SLC20A2: variants seen among roughly 807,000 people sequenced by gnomAD.
The protein encoded by SLC20A2 is solute carrier family 20 member 2, also known as sodium-dependent phosphate transporter 2.
Under a neutral mutation model 61.0 loss-of-function variants are expected in SLC20A2, and 30 were observed. The ratio of observed to expected loss-of-function variants is 0.49; its 90% CI spans 0.37 to 0.67. SLC20A2 has a LOEUF of 0.67. Ranked by LOEUF, SLC20A2 falls within the 30% of genes least tolerant of loss-of-function variation. SLC20A2 has a pLI of 0.00. For missense variants in SLC20A2, 626 were observed against 866.4 expected, an observed-to-expected ratio of 0.72 and a Z score of 3.48; for synonymous variants, 351 against 353.3, an observed-to-expected ratio of 0.99 and a Z score of 0.07.
chr8:42,429,717 C>G (rs1397096123), intron 9 of SLC20A2, among the ~76,000 whole-genome samples: 1 of 152,174 alleles, frequency 6.6e-6, no homozygotes, highest in African/African-American at 2.4e-5. Flanking sequence ...AAGGCCAGCC[C>G]AGGGGCCTGT....
At chr8:42,431,758 C>T (rs1282273609) in intron 8 of SLC20A2, among the ~76,000 whole-genome samples, 1 of 152,222 alleles carries the variant, frequency 6.6e-6, no homozygotes, top group African/African-American at 2.4e-5. Flanking sequence ...CATTCCAAAA[C>T]TCCTATTGCT....
At chr8:42,463,710 G>A (rs1339600603) in intron 3 of SLC20A2, among the ~76,000 whole-genome samples, 1 of 152,056 alleles carries the variant, frequency 6.6e-6, no homozygotes, top group Non-Finnish European at 1.5e-5. Context: ...TCGCTTCCCC[G>A]GGTCATTCTA....
At chr8:42,486,297 T>C (rs1361040755) in intron 1 of SLC20A2, among the ~76,000 whole-genome samples, 1 of 152,118 alleles carries the variant, frequency 6.6e-6, no homozygotes, top group African/African-American at 2.4e-5. Flanking sequence ...AATGGCTCAC[T>C]GCAGCCTTGA....
chr8:42,430,745 G>A (rs556291488), intron 8 of SLC20A2, among the ~76,000 whole-genome samples: 3 of 152,310 alleles, frequency 2.0e-5, no homozygotes, highest in African/African-American at 4.8e-5. Flanking sequence ...CCAGCAGTAT[G>A]TGCTCACGTC....
Position 42,430,260 on chromosome 8 carries a change from T to C in SLC20A2, c.1524-11A>G. 6.2e-7 allele frequency: 1 copy of C among 1,602,504 alleles called. No homozygotes were observed. The highest frequency in any genetic ancestry group is 1.1e-5 in the South Asian group (1 of 89,262). On this transcript the variant is annotated splice_polypyrimidine_tract_variant and intron_variant, in intron 8 of 10. Coordinates refer to ENST00000520262, the MANE Select transcript of SLC20A2 (RefSeq NM_001257180.2). Reference sequence around the variant, plus strand: ...GGACCGATGGCATTACTGGGAAAAATAAAAAGAGAAAAGATTAACTATATA... The same window carrying C: ...GGACCGATGGCATTACTGGGAAAAACAAAAAGAGAAAAGATTAACTATATA...
rs11350697 is a variant in SLC20A2 at position 42,476,084 on chromosome 8, CTTTTTTTTTTT to C, written c.-264-3441_-264-3431del. Among the ~76,000 whole-genome samples the C allele has an allele frequency of 5.7e-4, 24 of 42,100 alleles. 1 individual carries two copies. The highest frequency in any genetic ancestry group is 2.8e-3 in the South Asian group (2 of 718). 27.6% of individuals were successfully genotyped at this position (42,100 alleles called of 152,430 possible). ...GGTGAAGTAGCCGGGTTTACTGTGT[CTTTTTTTTTTT>C]TTTTTTTTTTTTTTTTTTTGACACG... On this transcript the variant is annotated intron_variant, in intron 1 of 10. Transcript: ENST00000520262.
intron 1 of SLC20A2, among the ~76,000 whole-genome samples, chr8:42,513,479 A>G (rs1482146650): frequency 6.6e-6 from 1 of 152,230 alleles, no homozygotes; most frequent in Non-Finnish European, 1.5e-5. Flanking sequence ...AACTTCATAT[A>G]TTTTGATCTT....
In SLC20A2 at chr8:42,533,661, T is replaced by TC. The variant is rs1316387052; in HGVS notation, c.-265+8159_-265+8160insG. Among the ~76,000 whole-genome samples the TC allele has an allele frequency of 9.8e-4, 116 of 118,052 alleles. 4 individuals are homozygous for TC. The highest frequency in any genetic ancestry group is 4.3e-3 in the South Asian group (14 of 3,236). 77.4% of individuals were successfully genotyped at this position (118,052 alleles called of 152,430 possible). A position where few individuals can be genotyped will look rare whatever the true frequency, so the allele number is the denominator to read the frequency against. ...CCTTAATGATCAACTGTTCTTTTTT[T>TC]TTTTTTTTTTTTTTTGAGACGGGAG... On this transcript the variant is annotated intron_variant, in intron 1 of 10. Transcript: ENST00000342228.
At chr8:42,471,237 A>C in intron 2 of SLC20A2, 1 of 456,216 alleles carries the variant, frequency 2.2e-6, no homozygotes, top group Non-Finnish European at 4.4e-6. Flanking sequence ...TGTCAGCTGC[A>C]CTTAACACAC....
At chr8:42,537,020 A>G (rs1194227666) in intron 1 of SLC20A2, among the ~76,000 whole-genome samples, 1 of 151,646 alleles carries the variant, frequency 6.6e-6, no homozygotes, top group African/African-American at 2.4e-5. Context: ...GGCTGCAGTG[A>G]GGCAAGATCG....
At chr8:42,423,247 G>A (rs1170878724) in intron 10 of SLC20A2, among the ~76,000 whole-genome samples, 1 of 151,462 alleles carries the variant, frequency 6.6e-6, no homozygotes, top group Non-Finnish European at 1.5e-5. Context: ...TCTCCATTGG[G>A]ATACATTCTT....
At chr8:42,462,127 G>A (rs1194157815) in intron 4 of SLC20A2, among the ~76,000 whole-genome samples, 1 of 152,102 alleles carries the variant, frequency 6.6e-6, no homozygotes, top group Non-Finnish European at 1.5e-5. Context: ...ACCTAAGGGC[G>A]GAGTAGGGCT....
intron 5 of SLC20A2, among the ~76,000 whole-genome samples, chr8:42,458,475 T>C (rs1036146845): frequency 1.3e-5 from 2 of 150,706 alleles, no homozygotes; most frequent in African/African-American, 4.9e-5. Flanking sequence ...AATAAAAAAT[T>C]AGCTGGGTGT....
Position 42,434,599 on chromosome 8 carries a change from C to A in SLC20A2, c.1523+2390G>T, listed in dbSNP as rs566345660. The stretch of plus-strand genomic sequence containing the variant: ...TCAGATCCCATCTCTGAGAGACACC[C>A]GCCCCTGGCTCAGAGGGATGTTAGA... On this transcript the variant is annotated intron_variant, in intron 8 of 10. Coordinates refer to ENST00000520262, the MANE Select transcript of SLC20A2 (RefSeq NM_001257180.2). 2.6e-5 allele frequency among the ~76,000 whole-genome samples: 4 copies of A among 152,326 alleles called. No homozygotes were observed. The South Asian group carries it at 8.3e-4, about 32-fold the overall frequency.
intron 1 of SLC20A2, among the ~76,000 whole-genome samples, chr8:42,524,652 G>A (rs934336327): frequency 6.6e-5 from 10 of 152,050 alleles, no homozygotes; most frequent in African/African-American, 1.7e-4. Flanking sequence ...CAGTTGTGGT[G>A]GCGAGCGCCT....
At chr8:42,443,105 ATATGT>A (rs925238416) in intron 6 of SLC20A2, among the ~76,000 whole-genome samples, 10 of 149,936 alleles carry the variant, frequency 6.7e-5, no homozygotes, top group African/African-American at 2.0e-4. Context: ...GTTTTATTAT[ATATGT>A]TATAATTACT....
chr8:42,438,065 A>AAC (rs1804458857), intron 7 of SLC20A2, among the ~76,000 whole-genome samples: 2 of 115,110 alleles, frequency 1.7e-5, no homozygotes, highest in East Asian at 2.3e-4. Context: ...AAAAAAACCA[A>AAC]AAAAAAAAAA....
chr8:42,464,200 G>A (rs532453394), intron 3 of SLC20A2, among the ~76,000 whole-genome samples: 24 of 140,562 alleles, frequency 1.7e-4, no homozygotes, highest in African/African-American at 5.3e-4. Context: ...CTCAACCTCT[G>A]AGGTACAAGT....
intron 5 of SLC20A2, among the ~76,000 whole-genome samples, chr8:42,447,197 T>G (rs931786725): frequency 1.3e-5 from 2 of 151,706 alleles, no homozygotes; most frequent in Non-Finnish European, 2.9e-5. Context: ...AACAAAAAGA[T>G]TAGCTGGGAG....
Sources: allele counts gnomAD v4.1 joint callset (sites outside exome capture counted in the v4.1 genomes callset), GRCh38; gene constraint gnomAD v4.1.1; transcripts MANE v1.5; gene names NCBI Gene and HGNC (gene_info 2026-07-23, HGNC 2026-07-21).